RBFOX1: variants seen among roughly 807,000 people sequenced by gnomAD.
The protein encoded by RBFOX1 is RNA binding protein fox-1 homolog 1.
A neutral mutation model predicts 57.7 loss-of-function variants in RBFOX1; 8 were observed. The ratio of observed to expected loss-of-function variants is 0.14; its 90% confidence interval spans 0.08 to 0.25. The LOEUF (loss-of-function observed/expected upper bound fraction) is 0.25, where lower values mean the gene tolerates loss of function less well. Ranked by LOEUF, RBFOX1 falls within the 10% of genes least tolerant of loss-of-function variation. The pLI is 1.00. For synonymous variants in RBFOX1, 326 were observed against 222.4 expected (o/e 1.47, Z -4.15); for missense variants, 611 against 548.5 (o/e 1.11, Z -1.14).
At chr16:6,188,502 T>A (rs1328755940) in intron 1 of RBFOX1, among the ~76,000 whole-genome samples, 1 of 151,728 alleles carries the variant, frequency 6.6e-6, no homozygotes, top group Non-Finnish European at 1.5e-5. Flanking sequence ...TTATTGTCTA[T>A]TTCAGACAAC....
chr16:5,468,077 T>G (rs933441664), intron 2 of RBFOX1, among the ~76,000 whole-genome samples: 1 of 152,186 alleles, frequency 6.6e-6, no homozygotes, highest in Non-Finnish European at 1.5e-5. Flanking sequence ...CTGTGCCCTC[T>G]TGTTCCTCCT....
At chr16:5,523,836 C>T (rs7190238) in intron 2 of RBFOX1, among the ~76,000 whole-genome samples, 73,544 of 151,798 alleles carry the variant, frequency 0.48, 20,942 homozygotes, top group East Asian at 0.96. Context: ...CAAGCCGCAG[C>T]GGCCCCTGGA....
At chr16:6,074,111 G>A (rs531815133) in intron 1 of RBFOX1, among the ~76,000 whole-genome samples, 86 of 152,042 alleles carry the variant, frequency 5.7e-4, no homozygotes, top group Non-Finnish European at 1.1e-3. Flanking sequence ...ACCACGCCTG[G>A]CTAATTTTTT....
chr16:5,968,221 T>C (rs2059889524), intron 4 of RBFOX1, among the ~76,000 whole-genome samples: 1 of 152,148 alleles, frequency 6.6e-6, no homozygotes, highest in Non-Finnish European at 1.5e-5. Context: ...ATTATGGGCA[T>C]GTACCACCAT....
intron 3 of RBFOX1, among the ~76,000 whole-genome samples, chr16:6,942,069 A>AAAT (rs963359622): frequency 6.6e-5 from 10 of 152,056 alleles, no homozygotes; most frequent in Non-Finnish European, 1.3e-4. Context: ...TCTTTACTAA[A>AAAT]AATAATAATA....
At chr16:6,631,188 T>G (rs907216747) in intron 2 of RBFOX1, among the ~76,000 whole-genome samples, 1 of 151,778 alleles carries the variant, frequency 6.6e-6, no homozygotes, top group African/African-American at 2.4e-5. Context: ...GCCTCGGAAA[T>G]TGTGAATCTG....
chr16:7,525,678 G>C (rs1485188957), intron 5 of RBFOX1, among the ~76,000 whole-genome samples: 1 of 152,136 alleles, frequency 6.6e-6, no homozygotes, highest in African/African-American at 2.4e-5. Context: ...TAGAATTGTT[G>C]GGTGTCCTGG....
At chr16:5,533,750 C>G (rs988591742) in intron 2 of RBFOX1, among the ~76,000 whole-genome samples, 1 of 152,188 alleles carries the variant, frequency 6.6e-6, no homozygotes, top group African/African-American at 2.4e-5. Context: ...CCGGGGAAAT[C>G]TGAAGTCAGC....
chr16:5,532,432 A>G (rs1025195444), intron 2 of RBFOX1, among the ~76,000 whole-genome samples: 3 of 152,134 alleles, frequency 2.0e-5, no homozygotes, highest in Non-Finnish European at 4.4e-5. Context: ...TCAGGCCCTG[A>G]CCCGGACTCA....
At chr16:6,303,722 TC>T (rs2079099060) in intron 1 of RBFOX1, among the ~76,000 whole-genome samples, 1 of 150,900 alleles carries the variant, frequency 6.6e-6, no homozygotes, top group Non-Finnish European at 1.5e-5. Flanking sequence ...ATGCCTGTAA[TC>T]CCAGCACTTT....
chr16:7,615,951 C>T (rs1211220167), intron 10 of RBFOX1, among the ~76,000 whole-genome samples: 1 of 152,178 alleles, frequency 6.6e-6, no homozygotes, highest in Non-Finnish European at 1.5e-5. Context: ...CTGGTTGCTA[C>T]CACTAATAAT....
chr16:6,361,048 T>C, intron 2 of RBFOX1, among the ~76,000 whole-genome samples: 1 of 152,188 alleles, frequency 6.6e-6, no homozygotes, highest in Admixed American at 6.5e-5. Context: ...CCATTAATCC[T>C]GTTTGTCTAA....
chr16:7,599,638 C>CTTTTTTTTTTTTTTTTTT lies in RBFOX1; in HGVS notation c.622+2219_622+2220insTTTTTTTTTTTTTTTTTT, dbSNP rs542898195. 1.6e-4 allele frequency among the ~76,000 whole-genome samples: 10 copies of CTTTTTTTTTTTTTTTTTT among 62,808 alleles called. 5 individuals carry two copies. The highest frequency in any genetic ancestry group is 3.9e-4 in the African/African-American group (8 of 20,334). 41.2% of individuals were successfully genotyped at this position (62,808 alleles called of 152,430 possible). A position where few individuals can be genotyped will look rare whatever the true frequency, so the allele number is the denominator to read the frequency against. ...GAGAAGATGAAGAAATTAATAAAGA[C>CTTTTTTTTTTTTTTTTTT]TTTTTTTTTTTTCTTTTTTTTTTTT... is the stretch of plus-strand genomic sequence containing the variant. On this transcript the variant is annotated intron_variant, in intron 9 of 15. Coordinates refer to ENST00000550418, the MANE Select transcript of RBFOX1 (RefSeq NM_018723.4).
chr16:7,491,682 G>C (rs933248639), intron 4 of RBFOX1, among the ~76,000 whole-genome samples: 1 of 152,032 alleles, frequency 6.6e-6, no homozygotes, highest in Non-Finnish European at 1.5e-5. Context: ...CCAGGCTGGA[G>C]TGCAAGTACA....
chr16:7,546,173 A>G (rs2084459913), intron 5 of RBFOX1, among the ~76,000 whole-genome samples: 3 of 152,016 alleles, frequency 2.0e-5, no homozygotes, highest in South Asian at 2.1e-4. Flanking sequence ...CTAAAAATAT[A>G]AAAATCAGCC....
intron 11 of RBFOX1, among the ~76,000 whole-genome samples, chr16:7,635,634 G>A (rs1381739464): frequency 6.7e-6 from 1 of 149,176 alleles, no homozygotes; most frequent in African/African-American, 2.5e-5. Context: ...GATGTTACAT[G>A]GACATTACAT....
intron 4 of RBFOX1, among the ~76,000 whole-genome samples, chr16:5,992,142 T>C (rs761374880): frequency 1.3e-5 from 2 of 151,504 alleles, no homozygotes. Flanking sequence ...TACCTTGACA[T>C]AAAATATCAA....
chr16:6,776,126 A>C (rs971249315), intron 3 of RBFOX1: 2 of 152,674 alleles, frequency 1.3e-5, no homozygotes, highest in African/African-American at 4.8e-5. Context: ...GAAAGAATAC[A>C]CTGGGCTGGG....
intron 3 of RBFOX1, among the ~76,000 whole-genome samples, chr16:7,001,413 T>C (rs960656116): frequency 3.4e-4 from 42 of 122,892 alleles, no homozygotes; most frequent in African/African-American, 1.1e-3. Flanking sequence ...TATGTATATG[T>C]ATATGTATAT....
Sources: gnomAD v4.1 joint callset for allele counts (sites outside exome capture counted in the v4.1 genomes callset) on GRCh38, gnomAD v4.1.1 for gene constraint, MANE v1.5 for transcripts, NCBI Gene and HGNC (gene_info 2026-07-23, HGNC 2026-07-21) for gene names.